Variants in DNMBP observed in about 807,000 individuals in gnomAD.
DNMBP encodes dynamin binding protein.
DNMBP carries 87 observed loss-of-function variants against 150.0 expected under a neutral mutation model. That is an observed-to-expected ratio of 0.58 (90% CI 0.49 to 0.69). DNMBP has a LOEUF of 0.69. Among genes scored for constraint, DNMBP ranks in the 30% least tolerant of loss-of-function variants. The pLI, the probability that DNMBP is intolerant of heterozygous loss-of-function variation, is 0.00. For missense variants in DNMBP, 1,774 were observed against 1,949.0 expected (o/e 0.91, Z 1.69); for synonymous variants, 711 against 750.4 (o/e 0.95, Z 0.86).
Position 99,896,300 on chromosome 10 carries a change from A to C in DNMBP, c.3018T>G (p.Ser1006Arg). Residue 1006 changes from serine (S) to arginine (R), a missense_variant, in exon 10 of 17, where the codon AGT (serine) becomes AGG (arginine). By Grantham distance (110) the Ser-to-Arg change is moderately radical. Coordinates refer to ENST00000324109, the MANE Select transcript of DNMBP (RefSeq NM_015221.4). ...CAAAGCCAGTGAGATGCTTCAGGTG[A>C]CTGCTAACTCGGTTGGATTTCTTGA... is the stretch of plus-strand genomic sequence containing the variant. ...SIIKKSNRVS[S>R]HLKHLTGFAP... 6.2e-7 allele frequency: 1 copy of C among 1,614,186 alleles called. No individual in the cohort carries two copies. Among genetic ancestry groups the C allele is most frequent in the Non-Finnish European group, 8.5e-7 (1 of 1,180,032 alleles).
chr10:99,949,191 T>C (rs1040876695), intron 4 of DNMBP, among the ~76,000 whole-genome samples: 1 of 151,988 alleles, frequency 6.6e-6, no homozygotes, highest in African/African-American at 2.4e-5. Flanking sequence ...GAGCAGGCAA[T>C]TCAATTCAAA....
At position 99,899,209 on chromosome 10, in the gene DNMBP, T is replaced by TA. The variant is rs951103802; in HGVS notation, c.2703-450dup. On this transcript the variant is annotated intron_variant, in intron 7 of 16. Coordinates refer to ENST00000324109, the MANE Select transcript of DNMBP (RefSeq NM_015221.4). The stretch of plus-strand genomic sequence containing the variant: ...GTCTCTCCAAAAAATAAAAAAATAA[T>TA]AAAAAATAAAAAAGTTAGCCCCTAA... Among the ~76,000 whole-genome samples the TA allele has an allele frequency of 1.1e-4, 17 of 151,586 alleles. No individual in the cohort carries two copies. In the East Asian group the frequency reaches 3.1e-3, roughly 28 times the overall value.
chr10:99,978,238 T>A (rs1218694065), intron 1 of DNMBP, among the ~76,000 whole-genome samples: 1 of 152,228 alleles, frequency 6.6e-6, no homozygotes, highest in African/African-American at 2.4e-5. Context: ...GTTCTTTTTA[T>A]GGCAAACATC....
At chr10:99,884,754 C>T (rs12769136) in intron 14 of DNMBP, among the ~76,000 whole-genome samples, 37,328 of 151,870 alleles carry the variant, frequency 0.25, 5,759 homozygotes, top group Non-Finnish European at 0.34. Context: ...ACTAAAAATA[C>T]AATACAGGCA....
intron 4 of DNMBP, among the ~76,000 whole-genome samples, chr10:99,922,911 T>C (rs767213760): frequency 4.6e-5 from 7 of 152,214 alleles, no homozygotes; most frequent in Non-Finnish European, 1.0e-4. Flanking sequence ...ACCCCATTTA[T>C]CTTCAAACAT....
At chr10:99,979,544 A>G (rs78576903) in intron 1 of DNMBP, among the ~76,000 whole-genome samples, 1 of 152,264 alleles carries the variant, frequency 6.6e-6, no homozygotes, top group East Asian at 1.9e-4. Context: ...CCTGCACCCA[A>G]GAAGCTTAGT....
rs115417161 is a variant in DNMBP, at chr10:99,938,967, A to G, written c.2260+16247T>C. Among the ~76,000 whole-genome samples, 513 of 152,190 alleles carry G rather than the reference A, an allele frequency of 3.4e-3. 3 individuals carry two copies. Among genetic ancestry groups the G allele is most frequent in the African/African-American group, 0.011 (471 of 41,510 alleles). On this transcript the variant is annotated intron_variant, in intron 4 of 16. Transcript: ENST00000324109. ...ACCGTGATGTTTGCTATTTGCTCCTAGTGGGTGGGCCATCATGACTATCTG... is the reference window on the plus strand; with the variant it reads ...ACCGTGATGTTTGCTATTTGCTCCTGGTGGGTGGGCCATCATGACTATCTG...
chr10:99,942,063 G>A (rs192186070), intron 4 of DNMBP, among the ~76,000 whole-genome samples: 1 of 152,236 alleles, frequency 6.6e-6, no homozygotes, highest in East Asian at 1.9e-4. Context: ...AACTACAACT[G>A]TGCCGTTGCT....
At chr10:100,000,260 G>A (rs2040994692) in intron 1 of DNMBP, among the ~76,000 whole-genome samples, 1 of 152,168 alleles carries the variant, frequency 6.6e-6, no homozygotes, top group Admixed American at 6.6e-5. Flanking sequence ...AGGACCTGGG[G>A]TGTGAGGCTG....
rs868785606 is a variant in DNMBP at position 99,985,381 on chromosome 10, G to A, written c.-10-13247C>T. Among the ~76,000 whole-genome samples, 9 of 152,102 alleles carry A rather than the reference G, an allele frequency of 5.9e-5. No homozygotes were observed. The South Asian group carries it at 1.0e-3, about 18-fold the overall frequency. ...TGAACCAGAGAATATGCCACAACAC[G>A]GCAAACCCAATGAATGGCTGATTCT... On this transcript the variant is annotated intron_variant, in intron 1 of 16. Coordinates refer to ENST00000324109, the MANE Select transcript of DNMBP (RefSeq NM_015221.4).
intron 11 of DNMBP, among the ~76,000 whole-genome samples, chr10:99,890,224 A>T (rs1459874434): frequency 1.3e-5 from 2 of 152,228 alleles, no homozygotes; most frequent in Non-Finnish European, 2.9e-5. Context: ...GGAATGTTAT[A>T]AAGTCCCCAA....
intron 4 of DNMBP, among the ~76,000 whole-genome samples, chr10:99,953,567 C>G (rs1009779410): frequency 3.9e-5 from 6 of 152,222 alleles, no homozygotes; most frequent in African/African-American, 1.4e-4. Flanking sequence ...GGCATGGTAT[C>G]CCAGCACTTT....
intron 1 of DNMBP, among the ~76,000 whole-genome samples, chr10:99,975,955 T>G (rs1479374737): frequency 6.6e-6 from 1 of 152,196 alleles, no homozygotes; most frequent in Non-Finnish European, 1.5e-5. Flanking sequence ...GACCCTATCA[T>G]ATGTTATTGG....
At chr10:99,952,897 A>G (rs949523306) in intron 4 of DNMBP, among the ~76,000 whole-genome samples, 5 of 152,016 alleles carry the variant, frequency 3.3e-5, no homozygotes, top group African/African-American at 1.2e-4. Context: ...TTCTGCTTTT[A>G]TCTCTTATTA....
In DNMBP at chr10:99,886,485, T is replaced by G. The variant is rs755456574; in HGVS notation, c.3433A>C (p.Lys1145Gln). Residue 1145 changes from lysine to glutamine, a missense_variant, in exon 13 of 17, where the codon AAG (lysine) becomes CAG (glutamine). Physicochemically the swap from Lys to Gln is moderately conservative, Grantham distance 53 (BLOSUM62 1). Coordinates refer to ENST00000324109, the MANE Select transcript of DNMBP (RefSeq NM_015221.4). The stretch of plus-strand genomic sequence containing the variant: ...GCCGACTGCAGCTCCTCCAGGGTCT[T>G]CTTGTCCTTTAGCTTTTCTGCCCGT... The part of the protein sequence containing the change: ...TERAEKLKDK[K>Q]TLEELQSARN... 1.9e-6 allele frequency: 3 copies of G among 1,614,194 alleles called. No homozygotes were observed. The highest frequency in any genetic ancestry group is 4.5e-5 in the East Asian group (2 of 44,886).
intron 3 of DNMBP, among the ~76,000 whole-genome samples, chr10:99,960,359 A>C: frequency 6.6e-6 from 1 of 152,156 alleles, no homozygotes. Flanking sequence ...CTCAGTACCC[A>C]AGTCAGAGGT....
chr10:99,961,024 T>C (rs2040558159), intron 3 of DNMBP, among the ~76,000 whole-genome samples: 2 of 151,714 alleles, frequency 1.3e-5, no homozygotes, highest in Admixed American at 1.3e-4. Context: ...AAACTAAGTC[T>C]GTCTTATATT....
intron 1 of DNMBP, among the ~76,000 whole-genome samples, chr10:99,979,340 C>T (rs1471651453): frequency 1.3e-5 from 2 of 152,206 alleles, no homozygotes; most frequent in Non-Finnish European, 2.9e-5. Context: ...CAAAAGGAGA[C>T]ACTCACTCAG....
At chr10:99,993,480 T>C (rs1303210115) in intron 1 of DNMBP, among the ~76,000 whole-genome samples, 2 of 152,214 alleles carry the variant, frequency 1.3e-5, no homozygotes, top group Non-Finnish European at 1.5e-5. Context: ...GTCTCTCCTC[T>C]TTCCGAAATC....
Sources: gnomAD v4.1 joint callset for allele counts (sites outside exome capture counted in the v4.1 genomes callset) on GRCh38, gnomAD v4.1.1 for gene constraint, MANE v1.5 for transcripts, NCBI Gene and HGNC (gene_info 2026-07-23, HGNC 2026-07-21) for gene names.